SMAP2: variants seen among roughly 807,000 people sequenced by gnomAD.
SMAP2 encodes the protein small ArfGAP2, also known as stromal membrane-associated protein 2.
A neutral mutation model predicts 56.4 loss-of-function variants in SMAP2; 25 were observed. That is an observed-to-expected ratio of 0.44 (90% CI 0.32 to 0.62). The LOEUF is 0.62. Ranked by LOEUF, SMAP2 falls within the 20% of genes least tolerant of loss-of-function variation. The pLI is 0.04. For missense variants in SMAP2, 388 were observed against 545.6 expected, an observed-to-expected ratio of 0.71 and a Z score of 2.88; for synonymous variants, 157 against 181.7, an observed-to-expected ratio of 0.86 and a Z score of 1.09.
At chr1:40,377,724 C>T (rs1420352170) in intron 1 of SMAP2, among the ~76,000 whole-genome samples, 1 of 152,162 alleles carries the variant, frequency 6.6e-6, no homozygotes, top group Non-Finnish European at 1.5e-5. Flanking sequence ...CAAGTTTTAA[C>T]TTCTAGCTCA....
chr1:40,381,309 G>A (rs1487840209), intron 1 of SMAP2, among the ~76,000 whole-genome samples: 1 of 152,188 alleles, frequency 6.6e-6, no homozygotes, highest in African/African-American at 2.4e-5. Context: ...TAATGGGGAA[G>A]CAGATGTGTA....
intron 1 of SMAP2, among the ~76,000 whole-genome samples, chr1:40,356,021 C>G (rs1242618076): frequency 6.6e-6 from 1 of 152,190 alleles, no homozygotes; most frequent in Non-Finnish European, 1.5e-5. Flanking sequence ...TTATTCTTCT[C>G]TCTGTCTCCA....
intron 1 of SMAP2, chr1:40,403,748 T>C (rs2124328015): frequency 1.4e-6 from 1 of 698,776 alleles, no homozygotes; most frequent in African/African-American, 1.9e-5. Flanking sequence ...TCAGGAAATG[T>C]AAGTATCTCT....
At chr1:40,362,714 C>T (rs980485474) in intron 2 of SMAP2, among the ~76,000 whole-genome samples, 2 of 152,152 alleles carry the variant, frequency 1.3e-5, no homozygotes, top group African/African-American at 4.8e-5. Flanking sequence ...AATTTCCTAT[C>T]ATTACACTAC....
intron 1 of SMAP2, among the ~76,000 whole-genome samples, chr1:40,378,631 C>T (rs936148552): frequency 3.9e-5 from 6 of 152,212 alleles, no homozygotes; most frequent in Admixed American, 3.3e-4. Flanking sequence ...GTTAAGAGTA[C>T]AAGACATTTG....
At chr1:40,383,612 G>A (rs1267658831) in intron 1 of SMAP2, among the ~76,000 whole-genome samples, 1 of 152,192 alleles carries the variant, frequency 6.6e-6, no homozygotes, top group African/African-American at 2.4e-5. Flanking sequence ...GTCCCAGGAA[G>A]TAATGTAACA....
intron 3 of SMAP2, among the ~76,000 whole-genome samples, chr1:40,409,244 T>G (rs1394449815): frequency 1.3e-5 from 2 of 152,224 alleles, no homozygotes; most frequent in Admixed American, 6.5e-5. Flanking sequence ...AAGGCAGTGC[T>G]TCTCAAAATG....
intron 1 of SMAP2, among the ~76,000 whole-genome samples, chr1:40,377,789 A>C (rs1644554859): frequency 6.6e-6 from 1 of 152,156 alleles, no homozygotes. Context: ...ACCCCGTCAG[A>C]GACTGTGTTT....
intron 1 of SMAP2, among the ~76,000 whole-genome samples, chr1:40,397,249 A>C (rs1644780984): frequency 1.3e-5 from 2 of 152,182 alleles, no homozygotes. Flanking sequence ...TAGTAGAAAG[A>C]ACTGTAGGGC....
At chr1:40,345,754 T>G in intron 1 of SMAP2, among the ~76,000 whole-genome samples, 1 of 151,052 alleles carries the variant, frequency 6.6e-6, no homozygotes, top group East Asian at 1.9e-4. Context: ...ATACATCTAT[T>G]GTGTATTATA....
chr1:40,421,941 C>T, intron 9 of SMAP2, 35 bp from the exon 10 acceptor site: 2 of 1,613,772 alleles, frequency 1.2e-6, no homozygotes, highest in Non-Finnish European at 1.7e-6. Flanking sequence ...GGAATGCCCA[C>T]AGCCTGGTCT....
chr1:40,382,848 C>T (rs1644612355), intron 1 of SMAP2, among the ~76,000 whole-genome samples: 1 of 152,162 alleles, frequency 6.6e-6, no homozygotes, highest in African/African-American at 2.4e-5. Flanking sequence ...AGACCAGGCT[C>T]TCAGTAAATA....
Position 40,408,529 on chromosome 1 carries a change from T to C in SMAP2, c.238-124T>C. Reference sequence around the variant, plus strand: ...AATTGGAAATCAGAATACACAAGTTTAAATGTTGGTTCTGACACTCTCTAG... The same window carrying C: ...AATTGGAAATCAGAATACACAAGTTCAAATGTTGGTTCTGACACTCTCTAG... On this transcript the variant is annotated intron_variant, in intron 2 of 9. Transcript: ENST00000372718. This position sits in a 1 kb window ranked among gnomAD's most constrained non-coding sequence, Gnocchi z 4.3. 1.5e-6 allele frequency: 1 copy of C among 678,882 alleles called. No homozygotes were observed. The highest frequency in any genetic ancestry group is 2.5e-6 in the Non-Finnish European group (1 of 393,594). The allele number at this position is 678,882 out of a possible 1,614,324, so 42.1% of individuals were successfully genotyped here.
intron 1 of SMAP2, among the ~76,000 whole-genome samples, chr1:40,375,981 C>T (rs866333128): frequency 6.6e-6 from 1 of 151,958 alleles, no homozygotes; most frequent in East Asian, 1.9e-4. Context: ...GAGACAGTTT[C>T]GCTTTGTCGC....
chr1:40,392,914 A>G (rs992513098), intron 1 of SMAP2, among the ~76,000 whole-genome samples: 1 of 151,996 alleles, frequency 6.6e-6, no homozygotes, highest in East Asian at 1.9e-4. Context: ...CCTGACTAAC[A>G]TGGTGAAACC....
intron 2 of SMAP2, chr1:40,365,187 C>G (rs1284413983): frequency 6.5e-6 from 1 of 153,630 alleles, no homozygotes; most frequent in Non-Finnish European, 1.5e-5. Flanking sequence ...TGTATTAAGC[C>G]ACATTCTAGG....
intron 1 of SMAP2, among the ~76,000 whole-genome samples, chr1:40,393,001 CT>C (rs1333184589): frequency 6.6e-6 from 1 of 151,494 alleles, no homozygotes; most frequent in Non-Finnish European, 1.5e-5. Context: ...ATTCGGGAAG[CT>C]GAGGCAGGGG....
intron 1 of SMAP2, among the ~76,000 whole-genome samples, chr1:40,354,554 G>C (rs1415525356): frequency 1.3e-5 from 2 of 151,840 alleles, no homozygotes; most frequent in Non-Finnish European, 2.9e-5. Flanking sequence ...GGCCAGGCTG[G>C]TCTCAAATTC....
intron 1 of SMAP2, among the ~76,000 whole-genome samples, chr1:40,359,808 A>G (rs1024097656): frequency 1.3e-5 from 2 of 152,160 alleles, no homozygotes; most frequent in African/African-American, 4.8e-5. Flanking sequence ...AAACTAATAA[A>G]AACTCAACAC....
Sources: gnomAD v4.1 joint callset for allele counts (sites outside exome capture counted in the v4.1 genomes callset) on GRCh38, gnomAD v4.1.1 for gene constraint, Gnocchi (gnomAD v3.1) non-coding constraint, MANE v1.5 for transcripts, NCBI Gene and HGNC (gene_info 2026-07-23, HGNC 2026-07-21) for gene names.